KCNIP4: variants seen among roughly 807,000 people sequenced by gnomAD.
KCNIP4 encodes potassium voltage-gated channel interacting protein 4.
A neutral mutation model predicts 34.0 loss-of-function variants in KCNIP4; 12 were observed. That is an observed-to-expected ratio of 0.35 (90% confidence interval 0.23 to 0.57). KCNIP4 has a LOEUF of 0.57. Ranked by LOEUF, KCNIP4 falls within the 20% of genes least tolerant of loss-of-function variation. The pLI, the probability that KCNIP4 is intolerant of heterozygous loss-of-function variation, is 0.83. For synonymous variants in KCNIP4, 124 were observed against 102.2 expected (o/e 1.21, Z -1.29); for missense variants, 238 against 311.7 (o/e 0.76, Z 1.78).
intron 1 of KCNIP4, among the ~76,000 whole-genome samples, chr4:21,269,916 G>A (rs903093338): frequency 1.3e-5 from 2 of 152,114 alleles, no homozygotes; most frequent in Admixed American, 1.3e-4. Context: ...TTGGATGTGA[G>A]CTAAAAAGAA....
At chr4:21,480,683 G>A (rs1012096874) in intron 1 of KCNIP4, among the ~76,000 whole-genome samples, 1 of 151,970 alleles carries the variant, frequency 6.6e-6, no homozygotes, top group Non-Finnish European at 1.5e-5. Context: ...TATAATAATG[G>A]CAAAATCTAT....
At chr4:20,877,601 A>G (rs1178065076) in intron 2 of KCNIP4, among the ~76,000 whole-genome samples, 1 of 152,168 alleles carries the variant, frequency 6.6e-6, no homozygotes, top group African/African-American at 2.4e-5. Flanking sequence ...GGCTATTATT[A>G]TTACTACTAT....
intron 1 of KCNIP4, among the ~76,000 whole-genome samples, chr4:21,146,959 A>C (rs1752401734): frequency 6.6e-6 from 1 of 152,092 alleles, no homozygotes; most frequent in African/African-American, 2.4e-5. Context: ...TTGTGTGTGT[A>C]TGTATATGTA....
chr4:21,812,525 C>T (rs1431526420), intron 1 of KCNIP4, among the ~76,000 whole-genome samples: 1 of 152,112 alleles, frequency 6.6e-6, no homozygotes, highest in Non-Finnish European at 1.5e-5. Context: ...AGAGGTTGGG[C>T]TAGTTATTAA....
At chr4:21,590,694 A>C (rs1171333473) in intron 1 of KCNIP4, among the ~76,000 whole-genome samples, 1 of 152,018 alleles carries the variant, frequency 6.6e-6, no homozygotes, top group African/African-American at 2.4e-5. Context: ...TCCTAAGTTT[A>C]ATATGTGATC....
At chr4:21,089,911 C>T (rs919385690) in intron 1 of KCNIP4, among the ~76,000 whole-genome samples, 10 of 152,344 alleles carry the variant, frequency 6.6e-5, no homozygotes, top group Non-Finnish European at 1.2e-4. Flanking sequence ...ACACATCACA[C>T]ACATACTCTC....
At chr4:21,147,962 A>AAAAAAAAAAAAAAAAAAAG (rs1553945858) in intron 1 of KCNIP4, among the ~76,000 whole-genome samples, 13 of 123,908 alleles carry the variant, frequency 1.0e-4, no homozygotes, top group East Asian at 2.6e-4. Flanking sequence ...AAAAAAAAAG[A>AAAAAAAAAAAAAAAAAAAG]AAAAAAGTTC....
intron 1 of KCNIP4, among the ~76,000 whole-genome samples, chr4:21,185,535 T>G (rs1755152633): frequency 6.6e-6 from 1 of 151,976 alleles, no homozygotes; most frequent in African/African-American, 2.4e-5. Context: ...AATCTCCTAT[T>G]TTCCTTCTCT....
intron 1 of KCNIP4, among the ~76,000 whole-genome samples, chr4:21,728,802 C>T (rs1331972638): frequency 1.3e-5 from 2 of 152,106 alleles, no homozygotes; most frequent in East Asian, 3.9e-4. Flanking sequence ...ATCTCTATGT[C>T]TCATTGTCTT....
intron 1 of KCNIP4, among the ~76,000 whole-genome samples, chr4:21,818,138 C>T (rs560882734): frequency 3.9e-5 from 6 of 152,286 alleles, no homozygotes; most frequent in Admixed American, 3.9e-4. Context: ...TGATGTCACC[C>T]CCAGCAGCCC....
chr4:21,325,147 C>T (rs1364572616), intron 1 of KCNIP4, among the ~76,000 whole-genome samples: 1 of 151,834 alleles, frequency 6.6e-6, no homozygotes, highest in Non-Finnish European at 1.5e-5. Context: ...TTCCCTCCTC[C>T]TAATTTTTCA....
chr4:21,337,643 GA>G (rs200170021), intron 1 of KCNIP4, among the ~76,000 whole-genome samples: 3 of 151,372 alleles, frequency 2.0e-5, no homozygotes, highest in South Asian at 4.2e-4. Flanking sequence ...TTACTTAGAG[GA>G]AAAAAAATGC....
chr4:21,831,949 T>C lies in KCNIP4; in HGVS notation c.61+116622A>G, dbSNP rs143300440. On this transcript the variant is annotated intron_variant, in intron 1 of 8. Coordinates refer to ENST00000382152, the MANE Select transcript of KCNIP4 (RefSeq NM_025221.6). ...ATTCAATGGCACATTAAAAAGATCA[T>C]ATACCAGAAATCCCTGATGAACCTA... 2.2e-4 allele frequency among the ~76,000 whole-genome samples: 33 copies of C among 152,174 alleles called. No individual in the cohort carries two copies. In the Middle Eastern group the frequency reaches 0.014, roughly 63 times the overall value.
chr4:21,302,658 T>C (rs570268834), intron 1 of KCNIP4, among the ~76,000 whole-genome samples: 1 of 152,302 alleles, frequency 6.6e-6, no homozygotes, highest in South Asian at 2.1e-4. Context: ...GCAACTTATT[T>C]TAAAATTAAA....
At position 21,839,522 on chromosome 4, in the gene KCNIP4, G is replaced by A. The variant is rs1578054849; in HGVS notation, c.61+109049C>T. ...TAATCTCAGCACTTTGGGAGGCCGA[G>A]GTGGGTGGATCGCCTGAGGTTAGAA... On this transcript the variant is annotated intron_variant, in intron 1 of 8. Transcript: ENST00000382152. 5.3e-5 allele frequency among the ~76,000 whole-genome samples: 8 copies of A among 152,190 alleles called. No homozygotes were observed. In the South Asian group the frequency reaches 1.7e-3, roughly 31 times the overall value.
At chr4:21,427,670 C>T (rs1224869300) in intron 1 of KCNIP4, among the ~76,000 whole-genome samples, 2 of 152,054 alleles carry the variant, frequency 1.3e-5, no homozygotes, top group Non-Finnish European at 2.9e-5. Flanking sequence ...AAACTAAATC[C>T]CCAGGATCCA....
chr4:20,778,779 T>A (rs1487046102), intron 3 of KCNIP4, among the ~76,000 whole-genome samples: 1 of 151,876 alleles, frequency 6.6e-6, no homozygotes, highest in Non-Finnish European at 1.5e-5. Flanking sequence ...AGATGAGGGG[T>A]TATATAGACT....
chr4:20,902,676 C>T (rs1415973710), intron 1 of KCNIP4, among the ~76,000 whole-genome samples: 1 of 152,046 alleles, frequency 6.6e-6, no homozygotes, highest in Non-Finnish European at 1.5e-5. Context: ...CCTGCCACCA[C>T]ACCGGGCTAA....
intron 1 of KCNIP4, among the ~76,000 whole-genome samples, chr4:21,730,420 G>A (rs1361228205): frequency 6.6e-6 from 1 of 152,096 alleles, no homozygotes; most frequent in Non-Finnish European, 1.5e-5. Context: ...CCCAGTGTTG[G>A]TGCACACTCA....
Sources: allele counts gnomAD v4.1 joint callset (sites outside exome capture counted in the v4.1 genomes callset), GRCh38; gene constraint gnomAD v4.1.1; transcripts MANE v1.5; gene names NCBI Gene and HGNC (gene_info 2026-07-23, HGNC 2026-07-21).